The following RFFL variants were observed in gnomAD, a reference collection of about 807,000 sequenced individuals.
RFFL encodes the protein ring finger and FYVE like domain containing E3 ubiquitin protein ligase.
Under a neutral mutation model 40.4 loss-of-function variants are expected in RFFL, and 16 were observed. The ratio of observed to expected loss-of-function variants is 0.40; its 90% CI spans 0.27 to 0.60. The LOEUF is 0.60. Among genes scored for constraint, RFFL ranks in the 20% least tolerant of loss-of-function variants. RFFL has a pLI of 0.47. For synonymous variants in RFFL, 154 were observed against 167.9 expected (o/e 0.92, Z 0.64); for missense variants, 367 against 451.7 (o/e 0.81, Z 1.70).
At chr17:35,016,306 A>G (rs1468539240) in intron 5 of RFFL, 64 bp downstream of exon 5, 1 of 1,437,882 alleles carries the variant, frequency 7.0e-7, no homozygotes, top group Non-Finnish European at 9.8e-7. Context: ...CAATACCATC[A>G]TGCTTTGGAG....
chr17:35,089,150 G>A (rs1408113129), exon 1 of RFFL: 1 of 152,206 alleles, frequency 6.6e-6, no homozygotes, highest in East Asian at 1.9e-4. Context: ...AGGAGGCGAG[G>A]GGAGGGGCCG....
intron 1 of RFFL, among the ~76,000 whole-genome samples, chr17:35,029,896 GTGTTCTCAT>G (rs1247946983): frequency 7.0e-6 from 1 of 142,582 alleles, no homozygotes; most frequent in Admixed American, 7.6e-5. Context: ...CTGTGTCCAT[GTGTTCTCAT>G]TGTTCAATTC....
intron 1 of RFFL, among the ~76,000 whole-genome samples, chr17:35,070,662 G>A (rs2091343954): frequency 6.6e-6 from 1 of 152,154 alleles, no homozygotes; most frequent in African/African-American, 2.4e-5. Context: ...ACTGTACTGG[G>A]AGTGCTGTGC....
At chr17:35,052,336 C>A (rs1394619722) in intron 1 of RFFL, among the ~76,000 whole-genome samples, 1 of 152,082 alleles carries the variant, frequency 6.6e-6, no homozygotes, top group Non-Finnish European at 1.5e-5. Context: ...TATACATGGT[C>A]TTTTATTAAG....
At chr17:35,051,706 T>C (rs2091232767) in intron 1 of RFFL, among the ~76,000 whole-genome samples, 1 of 151,788 alleles carries the variant, frequency 6.6e-6, no homozygotes, top group African/African-American at 2.4e-5. Flanking sequence ...GCAAGAAAAA[T>C]TGAAAATGTT....
At chr17:35,024,898 C>T (rs10853174) in intron 2 of RFFL, among the ~76,000 whole-genome samples, 56,369 of 152,102 alleles carry the variant, frequency 0.37, 12,029 homozygotes, top group Non-Finnish European at 0.47. Context: ...ACAAAATTAA[C>T]TCATACTTTT....
chr17:35,045,942 C>T (rs1039405803), intron 1 of RFFL, among the ~76,000 whole-genome samples: 2 of 150,708 alleles, frequency 1.3e-5, no homozygotes, highest in Admixed American at 6.6e-5. Context: ...AGGAGTATCG[C>T]TTGAACCTGG....
chr17:35,052,061 A>G (rs754573768), intron 1 of RFFL, among the ~76,000 whole-genome samples: 19 of 152,184 alleles, frequency 1.2e-4, no homozygotes, highest in Non-Finnish European at 2.9e-5. Flanking sequence ...GTTGAACTAC[A>G]TTCATCTCTA....
chr17:35,021,880 C>G lies in RFFL; in HGVS notation c.181-99G>C, dbSNP rs776267403. ...GAGCTGCCAAGCCCAGCAGGATCTC[C>G]TCCAGTCACTCTTACTTTTACTAAG... On this transcript the variant is annotated intron_variant, in intron 2 of 6. Coordinates refer to ENST00000394597, the MANE Select transcript of RFFL (RefSeq NM_001017368.2). 3.7e-3 allele frequency: 4,211 copies of G among 1,130,622 alleles called. 18 individuals carry two copies. The highest frequency in any genetic ancestry group is 5.1e-3 in the Non-Finnish European group (3,870 of 765,250). The allele number at this position is 1,130,622 out of a possible 1,614,324, so 70.0% of individuals were successfully genotyped here. A position where few individuals can be genotyped will look rare whatever the true frequency, so the allele number is the denominator to read the frequency against.
At chr17:35,076,362 C>G (rs1032745175) in intron 1 of RFFL, among the ~76,000 whole-genome samples, 4 of 152,004 alleles carry the variant, frequency 2.6e-5, no homozygotes, top group African/African-American at 9.7e-5. Flanking sequence ...TAGCCCTGCT[C>G]TGCAAGGAGC....
chr17:35,021,272 T>C, intron 3 of RFFL, 99 bp downstream of exon 3: 1 of 1,216,466 alleles, frequency 8.2e-7, no homozygotes, highest in Non-Finnish European at 1.1e-6. Context: ...TCAAGACACT[T>C]AGCCTTATAC....
At position 35,035,640 on chromosome 17, in the gene RFFL, T is replaced by C. The variant is rs547048738; in HGVS notation, c.-8-9079A>G. The stretch of plus-strand genomic sequence containing the variant: ...TACTCTTTATATACCTATATCTGTA[T>C]CTATATCTATAGATATTTATATCTA... On this transcript the variant is annotated intron_variant, in intron 1 of 6. Coordinates refer to ENST00000394597, the MANE Select transcript of RFFL (RefSeq NM_001017368.2). Among the ~76,000 whole-genome samples, 58 of 150,288 alleles carry C rather than the reference T, an allele frequency of 3.9e-4. No individual in the cohort carries two copies. The South Asian group carries it at 0.011, about 29-fold the overall frequency.
chr17:35,047,677 T>C (rs1312763772), intron 1 of RFFL, among the ~76,000 whole-genome samples: 1 of 151,924 alleles, frequency 6.6e-6, no homozygotes, highest in Non-Finnish European at 1.5e-5. Flanking sequence ...AACTTCTGCC[T>C]CCTGGGCTCA....
rs117050694 is a variant in RFFL, at chr17:35,061,614, T to C, written c.-9+1962A>G. On this transcript the variant is annotated intron_variant, in intron 1 of 6. Transcript: ENST00000394597. Reference sequence around the variant, plus strand: ...CTGGTACCACAGGCACTGGCCACCATGCGTGGCGTGCCTTTTTTTTTTTTT... The same window carrying C: ...CTGGTACCACAGGCACTGGCCACCACGCGTGGCGTGCCTTTTTTTTTTTTT... 1.4e-3 allele frequency among the ~76,000 whole-genome samples: 211 copies of C among 151,296 alleles called. 2 individuals are homozygous for C. The East Asian group carries it at 0.03, about 22-fold the overall frequency.
intron 1 of RFFL, among the ~76,000 whole-genome samples, chr17:35,070,294 C>T (rs945886734): frequency 7.2e-5 from 11 of 152,234 alleles, no homozygotes; most frequent in African/African-American, 2.4e-4. Context: ...CTCAGCCTCA[C>T]GAGTAGCTGA....
At chr17:35,081,410 A>G (rs1362785438) in intron 1 of RFFL, among the ~76,000 whole-genome samples, 1 of 152,246 alleles carries the variant, frequency 6.6e-6, no homozygotes, top group Non-Finnish European at 1.5e-5. Flanking sequence ...TGGAAACACT[A>G]TGATCTAAAA....
At chr17:35,014,500 C>T (rs2090961026) in intron 6 of RFFL, among the ~76,000 whole-genome samples, 1 of 152,128 alleles carries the variant, frequency 6.6e-6, no homozygotes, top group African/African-American at 2.4e-5. Flanking sequence ...CTCAGGTAGC[C>T]CAGGGACATG....
In RFFL at chr17:35,008,338, A is replaced by G. The variant is rs1051069187; in HGVS notation, c.*3630T>C. On this transcript the variant is annotated 3_prime_UTR_variant, in exon 7 of 7. Transcript: ENST00000394597. ...CTTGAGCAAGTTAGTTAGTTACAAC[A>G]ACACTGAGCATCTTGACCAAGGTCA... 1.3e-5 allele frequency: 2 copies of G among 152,248 alleles called. No homozygotes were observed. The highest frequency in any genetic ancestry group is 3.8e-4 in the East Asian group (2 of 5,196). The allele number at this position is 152,248 out of a possible 1,614,324, so 9.4% of individuals were successfully genotyped here. A position where few individuals can be genotyped will look rare whatever the true frequency, so the allele number is the denominator to read the frequency against.
chr17:35,020,052 A>G (rs1411834727), intron 3 of RFFL, among the ~76,000 whole-genome samples: 2 of 152,230 alleles, frequency 1.3e-5, no homozygotes, highest in East Asian at 1.9e-4. Context: ...TAAGTAACTC[A>G]GAGCTCTTTT....
Sources: gnomAD v4.1 joint callset for allele counts (sites outside exome capture counted in the v4.1 genomes callset) on GRCh38, gnomAD v4.1.1 for gene constraint, MANE v1.5 for transcripts, NCBI Gene and HGNC (gene_info 2026-07-23, HGNC 2026-07-21) for gene names.